The following CFAP100 variants were observed in gnomAD, a reference collection of about 807,000 sequenced individuals.
CFAP100 encodes the protein cilia- and flagella-associated protein 100.
In CFAP100, 70 loss-of-function variants were observed where a neutral mutation model predicts 81.5. The ratio of observed to expected loss-of-function variants is 0.86; its 90% CI spans 0.71 to 1.05. The LOEUF (loss-of-function observed/expected upper bound fraction) is 1.05. Among genes scored for constraint, CFAP100 ranks in the 50% least tolerant of loss-of-function variants. The probability of loss-of-function intolerance (pLI) is 0.00; values close to 1 mark genes in which losing one functional copy is unlikely to be tolerated. For missense variants in CFAP100, 811 were observed against 776.5 expected, an observed-to-expected ratio of 1.04 and a Z score of -0.53; for synonymous variants, 341 against 314.8, an observed-to-expected ratio of 1.08 and a Z score of -0.88.
intron 13 of CFAP100, among the ~76,000 whole-genome samples, chr3:126,427,400 T>G (rs1233538892): frequency 6.6e-6 from 1 of 152,198 alleles, no homozygotes; most frequent in African/African-American, 2.4e-5. Flanking sequence ...TGTAACCTGT[T>G]GTGGAGCAAT....
intron 3 of CFAP100, among the ~76,000 whole-genome samples, chr3:126,408,633 G>A (rs1433614187): frequency 1.3e-5 from 2 of 152,078 alleles, no homozygotes; most frequent in African/African-American, 2.4e-5. Context: ...ACTAGATCCC[G>A]GCTCCCCTTG....
At position 126,436,351 on chromosome 3, in the gene CFAP100, G is replaced by A; in HGVS notation, c.1783G>A (p.Glu595Lys). The A allele has an allele frequency of 1.2e-6, 2 of 1,614,168 alleles. No homozygotes were observed. The highest frequency in any genetic ancestry group is 2.2e-5 in the East Asian group (1 of 44,874). Residue 595 changes from glutamate (E) to lysine (K), a missense_variant, in exon 17 of 17, where the codon GAG (glutamate) becomes AAG (lysine). Coordinates refer to ENST00000352312, the MANE Select transcript of CFAP100 (RefSeq NM_182628.3). ...AGCCCACAGGATCAAACAACAGTCT[G>A]AGCACACACTGATGGACAAGGAGGA... ...PPAHRIKQQS[E>K]HTLMDKEEEE...
intron 2 of CFAP100, chr3:126,396,489 G>A (rs1322848363): frequency 5.8e-6 from 1 of 171,304 alleles, no homozygotes; most frequent in Non-Finnish European, 1.2e-5. Context: ...CCATTTTACA[G>A]GGACCCCATC....
At chr3:126,406,903 C>T (rs2083072066) in intron 2 of CFAP100, among the ~76,000 whole-genome samples, 1 of 152,228 alleles carries the variant, frequency 6.6e-6, no homozygotes, top group Non-Finnish European at 1.5e-5. Context: ...TCTTAAGGAA[C>T]ACACTGAAGG....
At chr3:126,420,308 C>A in intron 11 of CFAP100, 79 bp downstream of exon 11, 1 of 1,551,250 alleles carries the variant, frequency 6.4e-7, no homozygotes, top group South Asian at 1.2e-5. Context: ...GTAGTCAGGT[C>A]TGAGTGCCAC....
At chr3:126,415,896 C>A (rs745692181) in intron 4 of CFAP100, among the ~76,000 whole-genome samples, 39 of 152,296 alleles carry the variant, frequency 2.6e-4, no homozygotes, top group Middle Eastern at 3.4e-3. Flanking sequence ...TGGCCACCAA[C>A]GGTGACCTTC....
intron 2 of CFAP100, among the ~76,000 whole-genome samples, chr3:126,400,597 C>CA (rs1036557270): frequency 3.2e-4 from 49 of 152,136 alleles, no homozygotes; most frequent in Admixed American, 1.8e-3. Context: ...ACTAAAAATA[C>CA]AAAAAATAAC....
At chr3:126,400,350 T>A (rs1157739995) in intron 2 of CFAP100, among the ~76,000 whole-genome samples, 2 of 152,090 alleles carry the variant, frequency 1.3e-5, no homozygotes, top group African/African-American at 4.8e-5. Context: ...TTAGGATGGC[T>A]ACTATCAAAA....
chr3:126,417,826 A>T (rs1454050852), intron 5 of CFAP100, among the ~76,000 whole-genome samples: 1 of 152,230 alleles, frequency 6.6e-6, no homozygotes, highest in Non-Finnish European at 1.5e-5. Context: ...AGAGAGCCCC[A>T]TGGTTTCCAG....
intron 3 of CFAP100, among the ~76,000 whole-genome samples, chr3:126,407,543 C>T (rs1368089509): frequency 6.6e-6 from 1 of 152,100 alleles, no homozygotes; most frequent in Non-Finnish European, 1.5e-5. Context: ...CTCTGCTCCA[C>T]CAGAAAGGAA....
At chr3:126,404,672 G>A (rs1210521827) in intron 2 of CFAP100, among the ~76,000 whole-genome samples, 1 of 152,116 alleles carries the variant, frequency 6.6e-6, no homozygotes, top group Non-Finnish European at 1.5e-5. Context: ...CACAGAGCAG[G>A]GAAAATGAGG....
At position 126,434,214 on chromosome 3, in the gene CFAP100, T is replaced by A; in HGVS notation, c.1461T>A (p.Asp487Glu). Residue 487 changes from aspartate to glutamate, a missense_variant, in exon 15 of 17, where the codon GAT becomes GAA. By Grantham distance (45) the Asp-to-Glu change is conservative. Coordinates refer to ENST00000352312, the MANE Select transcript of CFAP100 (RefSeq NM_182628.3). ...AGAGCCTGAACTGCAAGGTGCTGGA[T>A]GTGTACCGGCACTGCACCGGCACCC... The part of the protein sequence containing the change: ...LLESLNCKVL[D>E]VYRHCTGTQQ... The A allele has an allele frequency of 2.5e-6, 4 of 1,613,748 alleles. No homozygotes were observed. Among genetic ancestry groups the A allele is most frequent in the Non-Finnish European group, 3.4e-6 (4 of 1,179,926 alleles).
Position 126,416,504 on chromosome 3 carries a change from C to G in CFAP100, c.414C>G (p.Thr138=), listed in dbSNP as rs1162501520. The G allele has an allele frequency of 1.9e-6, 3 of 1,584,138 alleles. No homozygotes were observed. Among genetic ancestry groups the G allele is most frequent in the African/African-American group, 1.3e-5 (1 of 74,098 alleles). The change falls in exon 5 of 17, where the codon ACC becomes ACG. Residue 138 remains threonine (T), a synonymous_variant. Transcript: ENST00000352312. The part of the protein sequence containing the change: ...RDYTTWKLTL[T]KEKNVEPENM... ...ACACGACCTGGAAGCTCACCTTGAC[C>G]AAAGGTGCGTCCCCTCCGGCGCGGG...
intron 14 of CFAP100, 181 bp downstream of exon 14, chr3:126,433,385 G>T (rs778908130): frequency 1.7e-5 from 11 of 663,128 alleles, no homozygotes; most frequent in Non-Finnish European, 2.8e-5. Context: ...GTGCCAGCCA[G>T]CTTGGTTGCC....
intron 13 of CFAP100, among the ~76,000 whole-genome samples, chr3:126,431,809 G>C (rs1485647776): frequency 6.6e-6 from 1 of 152,152 alleles, no homozygotes; most frequent in African/African-American, 2.4e-5. Context: ...GTGCTTCTCA[G>C]ACTTTATGTG....
At chr3:126,403,663 G>A (rs1051526088) in intron 2 of CFAP100, among the ~76,000 whole-genome samples, 4 of 152,054 alleles carry the variant, frequency 2.6e-5, no homozygotes, top group African/African-American at 7.2e-5. Context: ...GATTACAGGC[G>A]TAAACCACCG....
chr3:126,436,091 A>G (rs1469071925), intron 16 of CFAP100, among the ~76,000 whole-genome samples, 200 bp from the exon 17 acceptor site: 1 of 152,226 alleles, frequency 6.6e-6, no homozygotes, highest in African/African-American at 2.4e-5. Context: ...GTGGTGCTCC[A>G]GAGACCAGGC....
At chr3:126,400,739 G>A (rs547345417) in intron 2 of CFAP100, among the ~76,000 whole-genome samples, 3 of 151,720 alleles carry the variant, frequency 2.0e-5, no homozygotes, top group East Asian at 1.9e-4. Context: ...GCGACAGAGC[G>A]AGACTCCGTC....
chr3:126,432,339 CTAGA>C (rs949075353), intron 13 of CFAP100, among the ~76,000 whole-genome samples: 35 of 150,566 alleles, frequency 2.3e-4, no homozygotes, highest in African/African-American at 7.3e-4. Flanking sequence ...AATTCTGCTC[CTAGA>C]TATATATTCG....
Sources: gnomAD v4.1 joint callset for allele counts (sites outside exome capture counted in the v4.1 genomes callset) on GRCh38, gnomAD v4.1.1 for gene constraint, MANE v1.5 for transcripts, NCBI Gene and HGNC (gene_info 2026-07-23, HGNC 2026-07-21) for gene names.